Variants in MAP3K19 observed in about 807,000 individuals in gnomAD.
MAP3K19 encodes SPS1/STE20-related protein kinase YSK4.
MAP3K19 carries 91 observed loss-of-function variants against 114.4 expected under a neutral mutation model. The observed-to-expected ratio is 0.80, with a 90% CI of 0.67 to 0.95. MAP3K19 has a LOEUF of 0.95. Ranked by LOEUF, MAP3K19 falls within the 40% of genes least tolerant of loss-of-function variation. MAP3K19 has a pLI of 0.00. For missense variants in MAP3K19, 1,471 were observed against 1,573.2 expected, an observed-to-expected ratio of 0.94 and a Z score of 1.10; for synonymous variants, 518 against 530.5, an observed-to-expected ratio of 0.98 and a Z score of 0.32.
chr2:135,022,584 AG>A (rs1256693361), intron 4 of MAP3K19, among the ~76,000 whole-genome samples: 1 of 152,184 alleles, frequency 6.6e-6, no homozygotes, highest in Non-Finnish European at 1.5e-5. Flanking sequence ...AAGCCCCTGA[AG>A]TTATTTCTTG....
intron 12 of MAP3K19, among the ~76,000 whole-genome samples, chr2:134,965,621 CATAA>C (rs1330301679): frequency 6.6e-6 from 1 of 152,034 alleles, no homozygotes; most frequent in Non-Finnish European, 1.5e-5. Flanking sequence ...TTTTCAGATA[CATAA>C]ATATTTATTA....
chr2:135,028,463 G>A (rs926330140), intron 3 of MAP3K19, among the ~76,000 whole-genome samples: 1 of 151,764 alleles, frequency 6.6e-6, no homozygotes, highest in Admixed American at 6.6e-5. Context: ...AGGCTGAGGT[G>A]GGAGGATCAC....
In MAP3K19 at chr2:134,999,348, A is replaced by T. The variant is rs1328355885; in HGVS notation, c.315-351T>A. On this transcript the variant is annotated intron_variant, in intron 7 of 12. Transcript: ENST00000392915. This position sits in a 1 kb window ranked among gnomAD's most constrained non-coding sequence, Gnocchi z 4.1. ...CCCAGTGTTTCTCAAACTATTTTTG[A>T]TGAAGAACCAGCATTTAAATTTCCA... Among the ~76,000 whole-genome samples the T allele has an allele frequency of 6.6e-6, 1 of 152,214 alleles. No individual in the cohort carries two copies. Among genetic ancestry groups the T allele is most frequent in the Non-Finnish European group, 1.5e-5 (1 of 68,048 alleles).
At chr2:134,982,113 CTTTTTTTTTTT>C (rs35219224) in intron 11 of MAP3K19, among the ~76,000 whole-genome samples, 1 of 76,352 alleles carries the variant, frequency 1.3e-5, no homozygotes, top group South Asian at 4.9e-4. Context: ...CTTTTTCTTT[CTTTTTTTTTTT>C]TTTTTTTTTT....
chr2:135,026,363 C>CT (rs958071970), intron 3 of MAP3K19, among the ~76,000 whole-genome samples: 1 of 152,204 alleles, frequency 6.6e-6, no homozygotes, highest in African/African-American at 2.4e-5. Flanking sequence ...GGAATCTCCA[C>CT]TTTTATCAAT....
intron 2 of MAP3K19, among the ~76,000 whole-genome samples, chr2:135,037,406 G>T (rs890581148): frequency 6.6e-6 from 1 of 152,188 alleles, no homozygotes; most frequent in Non-Finnish European, 1.5e-5. Context: ...CTGCTGCTTG[G>T]AGTTCTGTTG....
At chr2:135,020,447 G>A (rs1687890248) in intron 5 of MAP3K19, among the ~76,000 whole-genome samples, 1 of 152,178 alleles carries the variant, frequency 6.6e-6, no homozygotes, top group African/African-American at 2.4e-5. Context: ...AGCCTCCCAA[G>A]TAGCTGCGAC....
At chr2:134,972,699 A>G (rs1683963864) in intron 12 of MAP3K19, among the ~76,000 whole-genome samples, 1 of 151,996 alleles carries the variant, frequency 6.6e-6, no homozygotes, top group African/African-American at 2.4e-5. Context: ...GGCCTCCCAC[A>G]GTGTTGGGAT....
At chr2:135,011,058 ATT>A (rs1687188322) in intron 5 of MAP3K19, among the ~76,000 whole-genome samples, 1 of 152,170 alleles carries the variant, frequency 6.6e-6, no homozygotes, top group South Asian at 2.1e-4. Context: ...ATAAAAACCT[ATT>A]TCAGACAACC....
At chr2:135,020,800 CT>C (rs768537592) in intron 5 of MAP3K19, among the ~76,000 whole-genome samples, 103 of 152,274 alleles carry the variant, frequency 6.8e-4, no homozygotes, top group Admixed American at 3.7e-3. Flanking sequence ...CTCCTACCAC[CT>C]TGTGAAGATG....
At position 134,998,896 on chromosome 2, in the gene MAP3K19, C is replaced by T. The variant is rs147043490; in HGVS notation, c.416G>A (p.Arg139Gln). 147 of 1,613,964 alleles carry T rather than the reference C, an allele frequency of 9.1e-5. No individual in the cohort carries two copies. The highest frequency in any genetic ancestry group is 3.3e-4 in the Middle Eastern group (2 of 6,084). ...TTCCTCTTTTTGCAAAACTAAGGGC[C>T]GCATGGTCAGCTTCTTTTTCCTGAG... ...VELRKKKLTM[R>Q]PLVLQKEESS... The change falls in exon 8 of 13, where the codon CGG (arginine) becomes CAG (glutamine). Residue 139 changes from arginine (R) to glutamine (Q), a missense_variant. Arg to Gln is a conservative substitution (Grantham distance 43). Transcript: ENST00000392915.
In MAP3K19 at chr2:135,003,542, GTGTTTGTT is replaced by G. The variant is rs10692556; in HGVS notation, c.235+1885_235+1892del. On this transcript the variant is annotated intron_variant, in intron 6 of 12. Coordinates refer to ENST00000392915, the MANE Select transcript of MAP3K19 (RefSeq NM_025052.5). ...GTGTCTGTTATGTTCTGAGAAAATAGTGTTTGTTTGTTTGTTTGTTTGTTTGTTTTGAG... is the reference window on the plus strand; with the variant it reads ...GTGTCTGTTATGTTCTGAGAAAATAGTGTTTGTTTGTTTGTTTGTTTTGAG... Among the ~76,000 whole-genome samples the G allele has an allele frequency of 9.0e-3, 1,367 of 151,562 alleles. 13 individuals carry two copies. The highest frequency in any genetic ancestry group is 0.029 in the African/African-American group (1,207 of 41,210).
At chr2:135,005,861 G>C (rs1686776619) in intron 5 of MAP3K19, among the ~76,000 whole-genome samples, 7 of 152,172 alleles carry the variant, frequency 4.6e-5, no homozygotes, top group Admixed American at 4.6e-4. Flanking sequence ...TAACTGGAAA[G>C]AATCCTTTGG....
chr2:134,996,432 G>C (rs1188663082), intron 8 of MAP3K19, among the ~76,000 whole-genome samples: 3 of 152,132 alleles, frequency 2.0e-5, no homozygotes, highest in Admixed American at 2.0e-4. Flanking sequence ...AATTATTCTT[G>C]CTTTTGTAAT....
chr2:134,999,854 A>G lies in MAP3K19; in HGVS notation c.314+83T>C, dbSNP rs1686309907. The G allele has an allele frequency of 1.1e-6, 1 of 903,552 alleles. No homozygotes were observed. Among genetic ancestry groups the G allele is most frequent in the East Asian group, 2.4e-5 (1 of 41,042 alleles). The allele number at this position is 903,552 out of a possible 1,614,324, so 56.0% of individuals were successfully genotyped here. On this transcript the variant is annotated intron_variant, in intron 7 of 12. Coordinates refer to ENST00000392915, the MANE Select transcript of MAP3K19 (RefSeq NM_025052.5). This position sits in a 1 kb window ranked among gnomAD's most constrained non-coding sequence, Gnocchi z 4.1. ...ACTTTTAAGCATTATTATGGATTCA[A>G]TTACTAATAATGTAGGTTGCCATAT... is the stretch of plus-strand genomic sequence containing the variant.
At chr2:134,991,946 G>A (rs1256847270) in intron 8 of MAP3K19, among the ~76,000 whole-genome samples, 1 of 152,196 alleles carries the variant, frequency 6.6e-6, no homozygotes, top group Non-Finnish European at 1.5e-5. Flanking sequence ...TGGCAGAGCT[G>A]CATCACAGGA....
intron 4 of MAP3K19, among the ~76,000 whole-genome samples, chr2:135,022,854 T>C (rs973637173): frequency 1.3e-5 from 2 of 152,192 alleles, no homozygotes; most frequent in Non-Finnish European, 2.9e-5. Flanking sequence ...TGCTCTATAG[T>C]TGCCCAGGAC....
At chr2:134,997,368 GCA>G (rs1686073368) in intron 8 of MAP3K19, among the ~76,000 whole-genome samples, 1 of 152,154 alleles carries the variant, frequency 6.6e-6, no homozygotes, top group South Asian at 2.1e-4. Context: ...TGTTTAAGGG[GCA>G]CAGAGTTTCA....
chr2:135,004,652 C>T (rs537963083), intron 6 of MAP3K19, among the ~76,000 whole-genome samples: 1 of 152,320 alleles, frequency 6.6e-6, no homozygotes, highest in South Asian at 2.1e-4. Flanking sequence ...AATGGGATAG[C>T]CGTGGCAACT....
Sources: allele counts gnomAD v4.1 joint callset (sites outside exome capture counted in the v4.1 genomes callset), GRCh38; gene constraint gnomAD v4.1.1; non-coding constraint Gnocchi (gnomAD v3.1); transcripts MANE v1.5; gene names NCBI Gene and HGNC (gene_info 2026-07-23, HGNC 2026-07-21).